The following NEB variants were observed in gnomAD, a reference collection of about 807,000 sequenced individuals.
NEB encodes nemaline myopathy type 2.
NEB carries 512 observed loss-of-function variants against 952.2 expected under a neutral mutation model. The observed-to-expected ratio is 0.54, with a 90% CI of 0.50 to 0.58. The LOEUF is 0.58. NEB is among the 20% of genes least tolerant of loss of function. The pLI is 0.00. For synonymous variants in NEB, 2,900 were observed against 3,149.8 expected (o/e 0.92, Z 2.66); for missense variants, 8,428 against 9,231.1 (o/e 0.91, Z 3.56).
intron 130 of NEB, among the ~76,000 whole-genome samples, chr2:151,548,928 A>G (rs758952183): frequency 3.9e-5 from 6 of 152,172 alleles, no homozygotes; most frequent in Admixed American, 1.3e-4. Context: ...AGGGTAGCAC[A>G]GAGGGAGAGC....
chr2:151,726,881 T>A (rs914788486), intron 5 of NEB, among the ~76,000 whole-genome samples: 4 of 149,332 alleles, frequency 2.7e-5, no homozygotes, highest in Admixed American at 1.3e-4. Flanking sequence ...AATTAGGAGA[T>A]CCTACAATTT....
intron 12 of NEB, 32 bp from the exon 13 acceptor site, chr2:151,707,029 T>C (rs752469790): frequency 7.2e-7 from 1 of 1,383,634 alleles, no homozygotes; most frequent in East Asian, 2.5e-5. Flanking sequence ...ATAAAGTAAC[T>C]CTATGGGTTA....
chr2:151,575,669 A>G (rs745427052), intron 107 of NEB, 26 bp downstream of exon 107: 2 of 1,484,614 alleles, frequency 1.3e-6, no homozygotes, highest in South Asian at 1.1e-5. Context: ...TTTCCAAACA[A>G]AAAGAGAGTC....
At chr2:151,526,306 A>G in intron 148 of NEB, 44 bp from the exon 149 acceptor site, 1 of 1,295,560 alleles carries the variant, frequency 7.7e-7, no homozygotes, top group Non-Finnish European at 1.1e-6. Flanking sequence ...TCTGCTGGAT[A>G]TCCTACATAT....
rs751972598 is a variant in NEB, at chr2:151,642,670, C to G, written c.8277G>C (p.Lys2759Asn). 6.2e-7 allele frequency: 1 copy of G among 1,613,800 alleles called. No homozygotes were observed. Among genetic ancestry groups the G allele is most frequent in the African/African-American group, 1.3e-5 (1 of 75,046 alleles). ...NKVNYSEKLYKLGLEEAKRKG... is the reference protein window; with the variant it reads ...NKVNYSEKLYNLGLEEAKRKG... ...TCCTCTTGGCTTCTTCTAGGCCAAG[C>G]TTATACAATTTCTAAAATAGACATT... The change falls in exon 60 of 182, where the codon AAG becomes AAC. Residue 2759 changes from lysine (K) to asparagine (N), a missense_variant. By Grantham distance (94) the Lys-to-Asn change is moderately conservative. Transcript: ENST00000397345.
In NEB at chr2:151,618,401, G is replaced by A. The variant is rs2098275658; in HGVS notation, c.10950C>T (p.Ala3650=). ...VPIDSLEVVR[A]KRAGELLSDT... is the part of the protein sequence containing the mutation. Reference sequence around the variant, plus strand: ...CACTAAGTAATTCTCCAGCTCTCTTGGCCCTAACAACTTCCAAGGAATCAA... The same window carrying A: ...CACTAAGTAATTCTCCAGCTCTCTTAGCCCTAACAACTTCCAAGGAATCAA... The change falls in exon 74 of 182, where the codon GCC becomes GCT. Residue 3650 remains alanine (A), a synonymous_variant. Coordinates refer to ENST00000397345, the MANE Select transcript of NEB (RefSeq NM_001164508.2). 6.2e-7 allele frequency: 1 copy of A among 1,613,826 alleles called. No individual in the cohort carries two copies. The highest frequency in any genetic ancestry group is 2.2e-5 in the East Asian group (1 of 44,836).
intron 173 of NEB, among the ~76,000 whole-genome samples, chr2:151,495,625 G>C (rs1285872986): frequency 6.6e-6 from 1 of 151,830 alleles, no homozygotes. Flanking sequence ...ACGGGAAATG[G>C]TTTACTAAAG....
Position 151,525,224 on chromosome 2 carries a change from G to A in NEB, c.22211C>T (p.Ser7404Phe). 1 of 1,613,976 alleles carries A rather than the reference G, an allele frequency of 6.2e-7. No homozygotes were observed. Among genetic ancestry groups the A allele is most frequent in the Non-Finnish European group, 8.5e-7 (1 of 1,179,848 alleles). The change falls in exon 151 of 182, where the codon TCC (serine) becomes TTC (phenylalanine). Residue 7404 changes from serine (S) to phenylalanine (F), a missense_variant. By Grantham distance (155) the Ser-to-Phe change is radical. Around this residue, in one of 11 missense-constraint regions of NEB, gnomAD observed 3,374 missense variants for 3,651.5 expected, o/e 0.92. Coordinates refer to ENST00000397345, the MANE Select transcript of NEB (RefSeq NM_001164508.2). ...FVKEKGKSNYSIMLEPPEVKH... is the reference protein window; with the variant it reads ...FVKEKGKSNYFIMLEPPEVKH... ...CACCTCTGGTGGCTCCAGCATGATG[G>A]AGTAGTTGGATTTTCCTTTCTCCTT...
Position 151,490,481 on chromosome 2 carries a change from A to G in NEB, c.25188T>C (p.Ser8396=), listed in dbSNP as rs758444605. The G allele has an allele frequency of 6.2e-7, 1 of 1,609,288 alleles. No homozygotes were observed. Among genetic ancestry groups the G allele is most frequent in the South Asian group, 1.1e-5 (1 of 89,604 alleles). Residue 8396 remains serine (S), a synonymous_variant, in exon 180 of 182, where the codon TCT becomes TCC. Transcript: ENST00000397345. ...CCCCACTGATGCTTAGTGCACTGGC[A>G]GATCGTGACTGCTCCCGGCTCCGGC... ...AQRRSREQSR[S]ASALSISGGE... is the part of the protein sequence containing the mutation.
At chr2:151,648,240 C>T (rs901407491) in intron 54 of NEB, among the ~76,000 whole-genome samples, 1 of 152,042 alleles carries the variant, frequency 6.6e-6, no homozygotes, top group East Asian at 1.9e-4. Flanking sequence ...TTAAACTTGT[C>T]CATTTCCCTT....
chr2:151,532,073 G>T, intron 143 of NEB, 177 bp from the exon 144 acceptor site: 2 of 554,214 alleles, frequency 3.6e-6, no homozygotes, highest in African/African-American at 3.8e-5. Flanking sequence ...GGAGTGAGCA[G>T]ATGATACTAC....
intron 60 of NEB, 92 bp from the exon 61 acceptor site, chr2:151,640,758 A>AT: frequency 7.9e-7 from 1 of 1,261,956 alleles, no homozygotes; most frequent in Non-Finnish European, 1.1e-6. Context: ...TAAAAAAAAA[A>AT]TTTTCCCTGA....
At chr2:151,534,179 T>A (rs1163713675) in intron 142 of NEB, 1 of 1,492,188 alleles carries the variant, frequency 6.7e-7, no homozygotes, top group Non-Finnish European at 9.3e-7. Context: ...GGGAGCACAG[T>A]CCTGCCTGGG....
intron 162 of NEB, 191 bp from the exon 163 acceptor site, chr2:151,507,204 T>C (rs1299365318): frequency 1.9e-6 from 1 of 538,362 alleles, no homozygotes; most frequent in Non-Finnish European, 3.3e-6. Context: ...TTAAAAAACA[T>C]ATAAAGCTAG....
intron 129 of NEB, 130 bp downstream of exon 129, chr2:151,551,608 G>A (rs1480575359): frequency 7.1e-6 from 5 of 708,778 alleles, no homozygotes; most frequent in Non-Finnish European, 1.2e-5. Flanking sequence ...CTGTGTTTTT[G>A]TTTTTTCACC....
Position 151,677,660 on chromosome 2 carries a change from TC to T in NEB, c.3678del (p.Lys1227SerfsTer42). ...VKKAGDALNEKKYRQHPDTLK... is the reference protein window; with the variant it reads ...VKKAGDALNEXKYRQHPDTLK... ...AGGGTGTCTGGATGTTGCCTGTACT[TC>T]TTTTCATTCAGAGCATCACCGGCCT... On this transcript the variant is annotated frameshift_variant, in exon 34 of 182. Coordinates refer to ENST00000397345, the MANE Select transcript of NEB (RefSeq NM_001164508.2). LOFTEE classifies it high-confidence loss of function. 1 of 1,614,010 alleles carries T rather than the reference TC, an allele frequency of 6.2e-7. No individual in the cohort carries two copies. The highest frequency in any genetic ancestry group is 8.5e-7 in the Non-Finnish European group (1 of 1,179,892).
intron 52 of NEB, among the ~76,000 whole-genome samples, chr2:151,652,321 G>A (rs187960545): frequency 3.9e-5 from 6 of 152,180 alleles, no homozygotes; most frequent in African/African-American, 1.2e-4. Context: ...AGCCTTCCAA[G>A]CTCAAGTGAT....
intron 10 of NEB, among the ~76,000 whole-genome samples, chr2:151,712,169 C>T (rs547889316): frequency 6.6e-6 from 1 of 152,052 alleles, no homozygotes; most frequent in Non-Finnish European, 1.5e-5. Context: ...AGAGACATGG[C>T]CCTACCTCTT....
At chr2:151,577,636 A>C (rs752520601) in intron 105 of NEB, among the ~76,000 whole-genome samples, 1 of 152,160 alleles carries the variant, frequency 6.6e-6, no homozygotes, top group Non-Finnish European at 1.5e-5. Context: ...GCTGGAGTGC[A>C]GTGGCAATCT....
Sources: allele counts gnomAD v4.1 joint callset (sites outside exome capture counted in the v4.1 genomes callset), GRCh38; gene constraint gnomAD v4.1.1; regional missense constraint gnomAD v4.1.1; transcripts MANE v1.5; gene names NCBI Gene and HGNC (gene_info 2026-07-23, HGNC 2026-07-21).